The following PLXDC2 variants were observed in gnomAD, a reference collection of about 807,000 sequenced individuals.
The protein encoded by PLXDC2 is plexin domain containing 2, also known as plexin domain-containing protein 2.
A neutral mutation model predicts 68.9 loss-of-function variants in PLXDC2; 40 were observed. The observed-to-expected ratio is 0.58, with a 90% CI of 0.45 to 0.76. PLXDC2 has a LOEUF of 0.76. Ranked by LOEUF, PLXDC2 falls within the 30% of genes least tolerant of loss-of-function variation. The pLI, the probability that PLXDC2 is intolerant of heterozygous loss-of-function variation, is 0.00. For synonymous variants in PLXDC2, 243 were observed against 234.2 expected, an observed-to-expected ratio of 1.04 and a Z score of -0.34; for missense variants, 644 against 661.9, an observed-to-expected ratio of 0.97 and a Z score of 0.30.
At chr10:20,111,207 A>G (rs1432916999) in intron 4 of PLXDC2, among the ~76,000 whole-genome samples, 1 of 152,170 alleles carries the variant, frequency 6.6e-6, no homozygotes, top group Non-Finnish European at 1.5e-5. Flanking sequence ...TGTACTCACA[A>G]TGGAATACCT....
chr10:20,125,868 A>G (rs962012362), intron 4 of PLXDC2, among the ~76,000 whole-genome samples: 4 of 151,714 alleles, frequency 2.6e-5, no homozygotes, highest in African/African-American at 9.7e-5. Context: ...AACTTGTAAG[A>G]CGGAAAGGAG....
intron 9 of PLXDC2, among the ~76,000 whole-genome samples, chr10:20,208,620 G>T (rs925044484): frequency 2.6e-5 from 4 of 152,086 alleles, no homozygotes; most frequent in African/African-American, 9.7e-5. Context: ...ATATGAAAAA[G>T]ATATTATGTA....
intron 1 of PLXDC2, among the ~76,000 whole-genome samples, chr10:19,890,409 G>A (rs963063659): frequency 5.3e-5 from 8 of 151,782 alleles, no homozygotes; most frequent in Non-Finnish European, 1.2e-4. Context: ...TCTTCCCTCC[G>A]CTCCCTAGTG....
intron 1 of PLXDC2, 152 bp from the exon 2 acceptor site, chr10:20,001,623 C>G: frequency 1.5e-6 from 1 of 678,730 alleles, no homozygotes; most frequent in Non-Finnish European, 2.5e-6. Flanking sequence ...TTCGTACCAG[C>G]TCAAGATATT....
chr10:19,984,917 G>A (rs187293737), intron 1 of PLXDC2, among the ~76,000 whole-genome samples: 12 of 152,250 alleles, frequency 7.9e-5, no homozygotes, highest in African/African-American at 2.2e-4. Flanking sequence ...GATGTTCAAC[G>A]TGTAGGAATT....
chr10:20,123,940 T>C (rs1332844746), intron 4 of PLXDC2, among the ~76,000 whole-genome samples: 7 of 151,696 alleles, frequency 4.6e-5, no homozygotes, highest in Admixed American at 4.6e-4. Flanking sequence ...GTTGGGGTAA[T>C]TATCCCTCCC....
At chr10:19,940,997 T>C (rs1214463812) in intron 1 of PLXDC2, among the ~76,000 whole-genome samples, 3 of 152,224 alleles carry the variant, frequency 2.0e-5, no homozygotes, top group East Asian at 1.9e-4. Flanking sequence ...TTCTTTAATT[T>C]TGTAAGTAAA....
intron 9 of PLXDC2, among the ~76,000 whole-genome samples, chr10:20,187,913 C>G (rs953521724): frequency 1.3e-5 from 2 of 151,602 alleles, no homozygotes; most frequent in Non-Finnish European, 3.0e-5. Flanking sequence ...AAACTGTAAA[C>G]TATTTTTGAA....
intron 1 of PLXDC2, among the ~76,000 whole-genome samples, chr10:19,924,112 T>TA (rs1833502735): frequency 6.6e-6 from 1 of 152,146 alleles, no homozygotes; most frequent in Non-Finnish European, 1.5e-5. Flanking sequence ...TCCTCCCAAA[T>TA]AAAAAACTTT....
chr10:19,857,320 T>C (rs1837232957), intron 1 of PLXDC2, among the ~76,000 whole-genome samples: 1 of 152,230 alleles, frequency 6.6e-6, no homozygotes, highest in Non-Finnish European at 1.5e-5. Context: ...CCTCTCTCGC[T>C]GTCCTCTACA....
intron 1 of PLXDC2, among the ~76,000 whole-genome samples, chr10:19,855,493 A>G (rs1312098591): frequency 6.6e-6 from 1 of 152,174 alleles, no homozygotes; most frequent in Non-Finnish European, 1.5e-5. Flanking sequence ...AACTTTTAGT[A>G]CAGATTGAAT....
intron 12 of PLXDC2, among the ~76,000 whole-genome samples, chr10:20,233,987 C>CT (rs113028024): frequency 0.82 from 118,521 of 144,928 alleles, 48,695 homozygotes; most frequent in African/African-American, 0.88. Context: ...TGCCCACCTA[C>CT]TTTTTTTTTT....
chr10:19,832,488 G>A (rs1052178999), intron 1 of PLXDC2, among the ~76,000 whole-genome samples: 1 of 152,304 alleles, frequency 6.6e-6, no homozygotes, highest in African/African-American at 2.4e-5. Flanking sequence ...TGTTACACAT[G>A]TCTGTGTGAT....
chr10:20,254,702 A>G (rs963733069), intron 13 of PLXDC2, among the ~76,000 whole-genome samples: 3 of 152,248 alleles, frequency 2.0e-5, no homozygotes, highest in Non-Finnish European at 4.4e-5. Flanking sequence ...TAAAGAAGCT[A>G]TATTAGTAGA....
intron 11 of PLXDC2, among the ~76,000 whole-genome samples, chr10:20,218,740 G>A (rs1243587060): frequency 6.6e-6 from 1 of 151,936 alleles, no homozygotes; most frequent in African/African-American, 2.4e-5. Flanking sequence ...ATAACTATAG[G>A]TTCTAATTAC....
At chr10:20,120,718 G>C (rs1399518295) in intron 4 of PLXDC2, among the ~76,000 whole-genome samples, 1 of 152,288 alleles carries the variant, frequency 6.6e-6, no homozygotes, top group East Asian at 1.9e-4. Context: ...CGAGCTTCAT[G>C]TGTAGGGAAG....
intron 4 of PLXDC2, among the ~76,000 whole-genome samples, chr10:20,073,722 A>C (rs568061303): frequency 1.3e-4 from 20 of 152,292 alleles, no homozygotes; most frequent in African/African-American, 4.6e-4. Context: ...GTTCTCTGTG[A>C]ATTTCATCAA....
At chr10:19,934,781 C>T (rs1833695858) in intron 1 of PLXDC2, among the ~76,000 whole-genome samples, 1 of 152,166 alleles carries the variant, frequency 6.6e-6, no homozygotes, top group Non-Finnish European at 1.5e-5. Flanking sequence ...TTCAGGGGTT[C>T]CCTGAGCTTG....
At chr10:19,989,115 G>C in intron 1 of PLXDC2, among the ~76,000 whole-genome samples, 1 of 152,054 alleles carries the variant, frequency 6.6e-6, no homozygotes, top group East Asian at 1.9e-4. Context: ...CCACATTTAG[G>C]TGACTAACAA....
Sources: gnomAD v4.1 joint callset for allele counts (sites outside exome capture counted in the v4.1 genomes callset) on GRCh38, gnomAD v4.1.1 for gene constraint, MANE v1.5 for transcripts, NCBI Gene and HGNC (gene_info 2026-07-23, HGNC 2026-07-21) for gene names.